The following TEK variants were observed in gnomAD, a reference collection of about 807,000 sequenced individuals.
The protein encoded by TEK is TEK receptor tyrosine kinase.
TEK carries 43 observed loss-of-function variants against 131.8 expected under a neutral mutation model. The observed-to-expected ratio is 0.33, with a 90% CI of 0.26 to 0.42. TEK has a LOEUF of 0.42. Ranked by LOEUF, TEK falls within the 10% of genes least tolerant of loss-of-function variation. TEK has a pLI of 1.00. For synonymous variants in TEK, 580 were observed against 491.6 expected (o/e 1.18, Z -2.38); for missense variants, 1,162 against 1,384.4 (o/e 0.84, Z 2.55).
At chr9:27,143,168 C>T (rs556831605) in intron 1 of TEK, among the ~76,000 whole-genome samples, 29 of 152,216 alleles carry the variant, frequency 1.9e-4, no homozygotes, top group African/African-American at 6.5e-4. Context: ...TTGAAATGAG[C>T]GTAGGTAGAC....
At chr9:27,176,282 T>C (rs1824168506) in intron 6 of TEK, among the ~76,000 whole-genome samples, 3 of 152,112 alleles carry the variant, frequency 2.0e-5, no homozygotes, top group Admixed American at 2.0e-4. Flanking sequence ...TTGAAGCAAA[T>C]AGTGGGGACA....
intron 21 of TEK, among the ~76,000 whole-genome samples, chr9:27,223,409 A>G (rs191026215): frequency 5.9e-5 from 9 of 151,542 alleles, no homozygotes; most frequent in East Asian, 1.9e-4. Context: ...AACGGAAATC[A>G]TAACAGTTTC....
At chr9:27,123,772 A>G (rs1391121473) in intron 1 of TEK, among the ~76,000 whole-genome samples, 1 of 152,082 alleles carries the variant, frequency 6.6e-6, no homozygotes, top group African/African-American at 2.4e-5. Context: ...TAGAGGTTAA[A>G]TTTCTTCATT....
chr9:27,131,322 A>G (rs6475961), intron 1 of TEK, among the ~76,000 whole-genome samples: 22,128 of 151,492 alleles, frequency 0.15, 2,503 homozygotes, highest in African/African-American at 0.31. Context: ...CCCCGTCTCT[A>G]TTAAAAATAC....
chr9:27,137,704 A>C (rs71510418), intron 1 of TEK, among the ~76,000 whole-genome samples: 78,297 of 151,726 alleles, frequency 0.52, 21,136 homozygotes, highest in African/African-American at 0.56. Flanking sequence ...TTTACTCTCA[A>C]TTTTAGTTAC....
intron 1 of TEK, among the ~76,000 whole-genome samples, chr9:27,143,737 C>T (rs1385251066): frequency 3.3e-5 from 5 of 152,158 alleles, no homozygotes; most frequent in Admixed American, 2.6e-4. Flanking sequence ...TTTTCCTAAG[C>T]CATTAGTGTC....
chr9:27,137,656 G>T (rs16911083), intron 1 of TEK, among the ~76,000 whole-genome samples: 78,231 of 151,638 alleles, frequency 0.52, 21,121 homozygotes, highest in African/African-American at 0.56. Flanking sequence ...CATAGTTCCC[G>T]TATGATTAAA....
At chr9:27,180,800 T>G (rs573316390) in intron 7 of TEK, among the ~76,000 whole-genome samples, 1 of 152,370 alleles carries the variant, frequency 6.6e-6, no homozygotes, top group South Asian at 2.1e-4. Context: ...TATGTCATTC[T>G]AGTTCAGAAG....
At chr9:27,205,764 T>C (rs1825377772) in intron 14 of TEK, among the ~76,000 whole-genome samples, 1 of 152,216 alleles carries the variant, frequency 6.6e-6, no homozygotes, top group Non-Finnish European at 1.5e-5. Flanking sequence ...GTTCAGGCCC[T>C]GTAAAATTAA....
intron 2 of TEK, among the ~76,000 whole-genome samples, chr9:27,159,429 A>G (rs867550364): frequency 1.1e-4 from 16 of 152,272 alleles, no homozygotes; most frequent in Middle Eastern, 3.4e-3. Context: ...TGAAATGACA[A>G]AGAGTCAGGG....
At chr9:27,188,774 A>T (rs1448903382) in intron 9 of TEK, among the ~76,000 whole-genome samples, 1 of 152,190 alleles carries the variant, frequency 6.6e-6, no homozygotes, top group Non-Finnish European at 1.5e-5. Context: ...AGCAGTGAAT[A>T]ATACAGGGGG....
At chr9:27,122,210 G>C (rs1821820584) in intron 1 of TEK, among the ~76,000 whole-genome samples, 1 of 152,132 alleles carries the variant, frequency 6.6e-6, no homozygotes, top group Non-Finnish European at 1.5e-5. Flanking sequence ...AGTTAAGAGA[G>C]GGACTTGAAC....
chr9:27,109,713 C>T (rs2131018225), intron 1 of TEK, 71 bp downstream of exon 1: 1 of 1,506,116 alleles, frequency 6.6e-7, no homozygotes, highest in Non-Finnish European at 9.2e-7. Context: ...GGGTGCTCTC[C>T]CCAAATCTCA....
rs530793594 is a variant in TEK, at chr9:27,109,456, C to A, written c.-135C>A. 1.1e-6 allele frequency: 1 copy of A among 879,514 alleles called. No individual in the cohort carries two copies. Among genetic ancestry groups the A allele is most frequent in the Non-Finnish European group, 1.9e-6 (1 of 515,398 alleles). The allele number at this position is 879,514 out of a possible 1,614,324, so 54.5% of individuals were successfully genotyped here. ...TGTTACAGCCTGCTTCTGTGCTGTT[C>A]CTTCTTGCCTCTAACTTGTAAACAA... On this transcript the variant is annotated 5_prime_UTR_variant, in exon 1 of 23. Transcript: ENST00000380036.
chr9:27,213,663 T>G, intron 18 of TEK, 66 bp downstream of exon 18: 1 of 1,214,534 alleles, frequency 8.2e-7, no homozygotes, highest in Non-Finnish European at 1.2e-6. Flanking sequence ...CTGATGTTGC[T>G]TCTGAGACTG....
chr9:27,174,286 C>T (rs1273337822), intron 6 of TEK, among the ~76,000 whole-genome samples: 9 of 152,088 alleles, frequency 5.9e-5, no homozygotes, highest in Non-Finnish European at 8.8e-5. Context: ...TTCCCATATC[C>T]GGCACTAAAG....
chr9:27,203,017 G>C lies in TEK; in HGVS notation c.2107G>C (p.Glu703Gln), dbSNP rs1825275337. Residue 703 changes from glutamate (E) to glutamine (Q), a missense_variant, in exon 13 of 23, where the codon GAG becomes CAG. Around this residue, in one of 6 missense-constraint regions of TEK, gnomAD observed 477 missense variants for 471.0 expected, o/e 1.01. Transcript: ENST00000380036. ...TITQYQLKGL[E>Q]PETAYQVDIF... ...CACTCAGTATCAGCTCAAGGGCCTA[G>C]AGCCTGAAACAGCATACCAGGTGGA... 3.7e-6 allele frequency: 6 copies of C among 1,613,976 alleles called. 1 individual carries two copies. In the East Asian group the frequency reaches 8.9e-5, roughly 24 times the overall value.
chr9:27,153,043 T>A (rs1823189709), intron 1 of TEK, among the ~76,000 whole-genome samples: 1 of 152,160 alleles, frequency 6.6e-6, no homozygotes, highest in Non-Finnish European at 1.5e-5. Flanking sequence ...GCAAAACATT[T>A]TAGAGGATTG....
intron 21 of TEK, among the ~76,000 whole-genome samples, chr9:27,221,729 A>G (rs1236457833): frequency 1.3e-5 from 2 of 152,198 alleles, no homozygotes; most frequent in Non-Finnish European, 2.9e-5. Context: ...CATCAACAAA[A>G]AGGACCTCCA....
Sources: allele counts gnomAD v4.1 joint callset (sites outside exome capture counted in the v4.1 genomes callset), GRCh38; gene constraint gnomAD v4.1.1; regional missense constraint gnomAD v4.1.1; transcripts MANE v1.5; gene names NCBI Gene and HGNC (gene_info 2026-07-23, HGNC 2026-07-21).